HSF5: variants seen among roughly 807,000 people sequenced by gnomAD.
HSF5 encodes the protein heat shock transcription factor 5.
A neutral mutation model predicts 50.8 loss-of-function variants in HSF5; 5 were observed. The ratio of observed to expected loss-of-function variants is 0.10; its 90% confidence interval spans 0.05 to 0.21. The LOEUF (loss-of-function observed/expected upper bound fraction) is 0.21, where lower values mean the gene tolerates loss of function less well. Among genes scored for constraint, HSF5 ranks in the 10% least tolerant of loss-of-function variants. The probability of loss-of-function intolerance (pLI) is 1.00; values close to 1 mark genes in which losing one functional copy is unlikely to be tolerated. For missense variants in HSF5, 564 were observed against 762.6 expected (o/e 0.74, Z 3.07); for synonymous variants, 307 against 307.4 (o/e 1.00, Z 0.02).
intron 5 of HSF5, among the ~76,000 whole-genome samples, chr17:58,456,145 A>C (rs999737878): frequency 7.3e-6 from 1 of 136,674 alleles, no homozygotes; most frequent in Non-Finnish European, 1.6e-5. Context: ...GTGTGTATAT[A>C]TATATATGTG....
intron 4 of HSF5, among the ~76,000 whole-genome samples, chr17:58,461,168 T>G (rs1974788910): frequency 1.3e-5 from 2 of 151,522 alleles, no homozygotes; most frequent in South Asian, 4.2e-4. Context: ...GAGCCAAGAT[T>G]GCGCTACTGC....
chr17:58,463,341 T>A, intron 3 of HSF5, 38 bp from the exon 4 acceptor site: 1 of 1,520,490 alleles, frequency 6.6e-7, no homozygotes, highest in Non-Finnish European at 9.0e-7. Flanking sequence ...GGATAGAAAA[T>A]AAAATATGAG....
chr17:58,478,921 T>C (rs76127652), intron 2 of HSF5, among the ~76,000 whole-genome samples: 6 of 151,414 alleles, frequency 4.0e-5, no homozygotes, highest in East Asian at 1.9e-4. Flanking sequence ...CTTTTTTTTT[T>C]CCCCAAGAAG....
At chr17:58,486,120 T>C (rs2143814884) in intron 1 of HSF5, among the ~76,000 whole-genome samples, 1 of 151,746 alleles carries the variant, frequency 6.6e-6, no homozygotes, top group East Asian at 1.9e-4. Flanking sequence ...TCCCAGCACT[T>C]TGGGAGGCCA....
chr17:58,441,592 G>A (rs1446850340), intron 5 of HSF5, among the ~76,000 whole-genome samples: 2 of 152,088 alleles, frequency 1.3e-5, no homozygotes, highest in East Asian at 3.8e-4. Context: ...AAAAGAAGTA[G>A]GCAACAAAAA....
At chr17:58,428,799 A>G (rs72628392) in intron 5 of HSF5, among the ~76,000 whole-genome samples, 50,671 of 152,100 alleles carry the variant, frequency 0.33, 9,149 homozygotes, top group East Asian at 0.51. Flanking sequence ...GCAGAAGTGT[A>G]AAACAGTTCA....
intron 2 of HSF5, chr17:58,476,983 G>A (rs1975021056): frequency 1.6e-6 from 1 of 609,056 alleles, no homozygotes; most frequent in Non-Finnish European, 2.9e-6. Flanking sequence ...GCGGGGGAAG[G>A]GAAGGCTAAG....
intron 1 of HSF5, among the ~76,000 whole-genome samples, chr17:58,484,943 A>C (rs1975147566): frequency 7.8e-6 from 1 of 127,710 alleles, no homozygotes; most frequent in Non-Finnish European, 1.6e-5. Flanking sequence ...AAAATAACCC[A>C]GATTTTTTTT....
chr17:58,475,076 C>T (rs911701671), intron 2 of HSF5, among the ~76,000 whole-genome samples: 1 of 152,058 alleles, frequency 6.6e-6, no homozygotes, highest in Admixed American at 6.6e-5. Flanking sequence ...TTCTTTTCAA[C>T]GCCATTCACC....
chr17:58,436,454 A>T (rs1974428107), intron 5 of HSF5, among the ~76,000 whole-genome samples: 1 of 152,038 alleles, frequency 6.6e-6, no homozygotes, highest in African/African-American at 2.4e-5. Flanking sequence ...AAGATTTCAC[A>T]ACTCTTATGT....
chr17:58,425,575 C>CAAAAAAAAAAAAAA (rs66502039), intron 5 of HSF5, among the ~76,000 whole-genome samples: 1 of 32,990 alleles, frequency 3.0e-5, no homozygotes, highest in African/African-American at 1.5e-4. Context: ...ACCTCTATCT[C>CAAAAAAAAAAAAAA]AAAAAAAAAA....
At chr17:58,446,573 A>G (rs1290589174) in intron 5 of HSF5, among the ~76,000 whole-genome samples, 1 of 152,154 alleles carries the variant, frequency 6.6e-6, no homozygotes, top group Admixed American at 6.5e-5. Context: ...AAGATAATCC[A>G]CTGCCACAGT....
At position 58,463,001 on chromosome 17, in the gene HSF5, A is replaced by G. The variant is rs1974813792; in HGVS notation, c.1323T>C (p.Ser441=). ...PLTPVGSDIM[S]FVVGTEQAVA... ...CTGCTTGTTCTGTTCCAACCACAAA[A>G]GACATAATATCTGAGCCTACAGGAG... The change falls in exon 4 of 6, where the codon TCT becomes TCC. Residue 441 remains serine (S), a synonymous_variant. Coordinates refer to ENST00000323777, the MANE Select transcript of HSF5 (RefSeq NM_001080439.3). 1 of 1,614,240 alleles carries G rather than the reference A, an allele frequency of 6.2e-7. No individual in the cohort carries two copies. The highest frequency in any genetic ancestry group is 8.5e-7 in the Non-Finnish European group (1 of 1,180,040).
chr17:58,476,420 C>G, intron 2 of HSF5: 1 of 1,047,946 alleles, frequency 9.5e-7, no homozygotes, highest in Non-Finnish European at 1.5e-6. Context: ...TTCCTGCCGG[C>G]TTTATTCTGA....
At chr17:58,468,188 A>G (rs1974895966) in intron 2 of HSF5, among the ~76,000 whole-genome samples, 1 of 152,160 alleles carries the variant, frequency 6.6e-6, no homozygotes, top group Non-Finnish European at 1.5e-5. Flanking sequence ...CCTTCAGCCC[A>G]GGAGTTTGAG....
intron 1 of HSF5, among the ~76,000 whole-genome samples, chr17:58,484,409 C>T (rs1975140799): frequency 6.6e-6 from 1 of 152,130 alleles, no homozygotes; most frequent in South Asian, 2.1e-4. Context: ...GGACTCTATC[C>T]TTAAAATACA....
intron 1 of HSF5, among the ~76,000 whole-genome samples, chr17:58,484,180 A>G (rs1975136058): frequency 6.6e-6 from 1 of 151,816 alleles, no homozygotes; most frequent in East Asian, 1.9e-4. Flanking sequence ...TACCTTCTGC[A>G]CATACCAACA....
intron 5 of HSF5, among the ~76,000 whole-genome samples, chr17:58,430,581 C>G (rs572877851): frequency 6.6e-6 from 1 of 152,276 alleles, no homozygotes; most frequent in Non-Finnish European, 1.5e-5. Flanking sequence ...CATCAAAACT[C>G]TAGACTCCCC....
intron 1 of HSF5, among the ~76,000 whole-genome samples, chr17:58,482,821 A>G (rs1338628029): frequency 6.6e-6 from 1 of 151,438 alleles, no homozygotes; most frequent in Non-Finnish European, 1.5e-5. Flanking sequence ...GCATGCACCA[A>G]TAGTCCCAGC....
Sources: gnomAD v4.1 joint callset for allele counts (sites outside exome capture counted in the v4.1 genomes callset) on GRCh38, gnomAD v4.1.1 for gene constraint, MANE v1.5 for transcripts, NCBI Gene and HGNC (gene_info 2026-07-23, HGNC 2026-07-21) for gene names.